The following IL17D variants were observed in gnomAD, a reference collection of about 807,000 sequenced individuals.
The protein encoded by IL17D is interleukin-17D.
Under a neutral mutation model 5.7 loss-of-function variants are expected in IL17D, and 10 were observed. That is an observed-to-expected ratio of 1.75 (90% CI 1.08 to 2.97). IL17D has a LOEUF of 2.97. IL17D is among the 30% of genes most tolerant of loss of function. The pLI, the probability that IL17D is intolerant of heterozygous loss-of-function variation, is 0.00. For missense variants in IL17D, 354 were observed against 292.7 expected (o/e 1.21, Z -1.53); for synonymous variants, 172 against 141.7 (o/e 1.21, Z -1.52).
At chr13:20,720,052 TTCTC>T (rs762496196) in intron 1 of IL17D, among the ~76,000 whole-genome samples, 7 of 152,106 alleles carry the variant, frequency 4.6e-5, no homozygotes, top group Non-Finnish European at 7.4e-5. Flanking sequence ...ATAGTGTCAT[TTCTC>T]TCTATTTCTG....
At chr13:20,719,660 C>T (rs905832818) in intron 1 of IL17D, among the ~76,000 whole-genome samples, 1 of 152,238 alleles carries the variant, frequency 6.6e-6, no homozygotes, top group Non-Finnish European at 1.5e-5. Flanking sequence ...ATGTCAGCAT[C>T]ATCACTCAGC....
intron 1 of IL17D, among the ~76,000 whole-genome samples, chr13:20,705,813 A>G (rs2058587955): frequency 6.6e-6 from 1 of 152,218 alleles, no homozygotes; most frequent in Non-Finnish European, 1.5e-5. Context: ...GCTCTCCAGC[A>G]CTTCCATCCA....
chr13:20,711,842 A>AAGCC (rs1403812069), intron 1 of IL17D, among the ~76,000 whole-genome samples: 1 of 134,692 alleles, frequency 7.4e-6, no homozygotes, highest in Non-Finnish European at 1.6e-5. Flanking sequence ...TACAGACTGG[A>AAGCC]AGTCACCTGA....
chr13:20,703,182 G>A (rs768878304), upstream of IL17D: 8 of 700,142 alleles, frequency 1.1e-5, no homozygotes, highest in African/African-American at 1.9e-5. Flanking sequence ...CCCAGGCCCT[G>A]GGCGCCCCGC....
rs41536945 is a variant in IL17D at position 20,722,159 on chromosome 13, C to A, written c.*205C>A. On this transcript the variant is annotated 3_prime_UTR_variant, in exon 2 of 2. Coordinates refer to ENST00000682841, the MANE Select transcript of IL17D (RefSeq NM_001385224.1). Reference sequence around the variant, plus strand: ...TGGCTTGCTTTTAGCTACAAGCAAGCAGCGTGGCTGGAAGCTGATGGGAAA... The same window carrying A: ...TGGCTTGCTTTTAGCTACAAGCAAGAAGCGTGGCTGGAAGCTGATGGGAAA... 12 of 532,520 alleles carry A rather than the reference C, an allele frequency of 2.3e-5. No individual in the cohort carries two copies. The African/African-American group carries it at 2.4e-4, about 11-fold the overall frequency. 33.0% of individuals were successfully genotyped at this position (532,520 alleles called of 1,614,324 possible).
chr13:20,704,538 G>A (rs1301819850), intron 1 of IL17D, among the ~76,000 whole-genome samples: 6 of 137,668 alleles, frequency 4.4e-5, no homozygotes, highest in African/African-American at 1.7e-4. Context: ...GAGGGGCGCT[G>A]CGATGAGGCG....
chr13:20,705,233 G>A (rs2058582206), intron 1 of IL17D, among the ~76,000 whole-genome samples: 1 of 151,328 alleles, frequency 6.6e-6, no homozygotes, highest in African/African-American at 2.4e-5. Flanking sequence ...GCCTACAAAG[G>A]CAGTGCTGAG....
intron 1 of IL17D, among the ~76,000 whole-genome samples, chr13:20,711,859 G>A (rs1372916784): frequency 6.6e-6 from 1 of 152,222 alleles, no homozygotes; most frequent in Non-Finnish European, 1.5e-5. Flanking sequence ...CTGAATGACC[G>A]CCTATAGGCA....
In IL17D at chr13:20,708,971, AAAAAAAAGAAAG is replaced by A. The variant is rs2058612531; in HGVS notation, c.290+4684_290+4695del. 2.1e-5 allele frequency among the ~76,000 whole-genome samples: 3 copies of A among 143,704 alleles called. No homozygotes were observed. In the South Asian group the frequency reaches 6.8e-4, roughly 32 times the overall value. The allele number at this position is 143,704 out of a possible 152,430, so 94.3% of individuals were successfully genotyped here. A position where few individuals can be genotyped will look rare whatever the true frequency, so the allele number is the denominator to read the frequency against. On this transcript the variant is annotated intron_variant, in intron 1 of 1. Coordinates refer to ENST00000682841, the MANE Select transcript of IL17D (RefSeq NM_001385224.1). ...GCGAGACTCTGTCTCAAAAAAAAAA[AAAAAAAAGAAAG>A]AAAGAAAAGAAAAGGACCAGTGACA...
At position 20,722,826 on chromosome 13, in the gene IL17D, TAAG is replaced by T. The variant is rs946087823; in HGVS notation, c.*876_*878del. ...AATTTGTGGTTAAGAGGTGGTGAGA[TAAG>T]AAGTGGAACGTGACATCTTTGCCAG... On this transcript the variant is annotated 3_prime_UTR_variant, in exon 2 of 2. Transcript: ENST00000682841. 1 of 152,208 alleles carries T rather than the reference TAAG, an allele frequency of 6.6e-6. No individual in the cohort carries two copies. The highest frequency in any genetic ancestry group is 2.4e-5 in the African/African-American group (1 of 41,438). The allele number at this position is 152,208 out of a possible 1,614,324, so 9.4% of individuals were successfully genotyped here. A position where few individuals can be genotyped will look rare whatever the true frequency, so the allele number is the denominator to read the frequency against.
intron 1 of IL17D, among the ~76,000 whole-genome samples, chr13:20,720,465 A>G (rs1448060953): frequency 2.0e-5 from 3 of 152,192 alleles, no homozygotes; most frequent in African/African-American, 4.8e-5. Flanking sequence ...ACTATTTGGT[A>G]TGTTGGAGGG....
intron 1 of IL17D, among the ~76,000 whole-genome samples, chr13:20,720,294 C>T (rs1252317179): frequency 6.6e-6 from 1 of 152,148 alleles, no homozygotes; most frequent in East Asian, 1.9e-4. Flanking sequence ...CTGCCTTCAG[C>T]CAAGAGCTCC....
chr13:20,708,846 A>C (rs1000974312), intron 1 of IL17D, among the ~76,000 whole-genome samples: 1 of 148,708 alleles, frequency 6.7e-6, no homozygotes, highest in African/African-American at 2.5e-5. Flanking sequence ...AAAAATACAA[A>C]AAAAAAAAAA....
At chr13:20,719,176 C>T (rs1419951548) in intron 1 of IL17D, among the ~76,000 whole-genome samples, 1 of 147,380 alleles carries the variant, frequency 6.8e-6, no homozygotes, top group Non-Finnish European at 1.5e-5. Context: ...TCACGCACGC[C>T]TGCCTACACT....
rs2058680825 is a variant in IL17D, at chr13:20,716,607, A to C, written c.291-5029A>C. ...GCCCAAGGTTACTGGGTGGTGACTA[A>C]GTTGGGCTACAGTTTTAGGTCCCAG... On this transcript the variant is annotated intron_variant, in intron 1 of 1. Coordinates refer to ENST00000682841, the MANE Select transcript of IL17D (RefSeq NM_001385224.1). This position sits in a 1 kb window ranked among gnomAD's most constrained non-coding sequence, Gnocchi z 4.2. 6.6e-6 allele frequency among the ~76,000 whole-genome samples: 1 copy of C among 152,180 alleles called. No homozygotes were observed. The highest frequency in any genetic ancestry group is 2.4e-5 in the African/African-American group (1 of 41,438).
intron 1 of IL17D, among the ~76,000 whole-genome samples, chr13:20,718,151 G>C (rs544315576): frequency 5.8e-4 from 88 of 152,182 alleles, no homozygotes; most frequent in Non-Finnish European, 1.1e-3. Flanking sequence ...CCTCGGTACT[G>C]TTCTGACAGC....
At chr13:20,721,590 C>T (rs2141402068) in intron 1 of IL17D, 46 bp from the exon 2 acceptor site, 2 of 1,497,276 alleles carry the variant, frequency 1.3e-6, no homozygotes, top group Non-Finnish European at 1.8e-6. Flanking sequence ...GCGCGCGGCG[C>T]GGGGCTGCCC....
rs1007078639 is a variant in IL17D, at chr13:20,703,939, G to A, written c.-63G>A. 5 of 917,908 alleles carry A rather than the reference G, an allele frequency of 5.4e-6. No homozygotes were observed. Among genetic ancestry groups the A allele is most frequent in the Non-Finnish European group, 6.5e-6 (5 of 768,030 alleles). The allele number at this position is 917,908 out of a possible 1,614,324, so 56.9% of individuals were successfully genotyped here. A position where few individuals can be genotyped will look rare whatever the true frequency, so the allele number is the denominator to read the frequency against. ...GGCGCCGCGGGCGGGACACGGGCGC[G>A]GGGCGCAGGCGGGCTCCTCCGGCGC... On this transcript the variant is annotated 5_prime_UTR_variant, in exon 1 of 2. Transcript: ENST00000682841.
intron 1 of IL17D, among the ~76,000 whole-genome samples, chr13:20,705,365 C>G (rs973468133): frequency 1.3e-5 from 2 of 151,922 alleles, no homozygotes; most frequent in African/African-American, 4.8e-5. Flanking sequence ...GGGTGGGCAT[C>G]GATGTAAGGC....
Sources: allele counts gnomAD v4.1 joint callset (sites outside exome capture counted in the v4.1 genomes callset), GRCh38; gene constraint gnomAD v4.1.1; non-coding constraint Gnocchi (gnomAD v3.1); transcripts MANE v1.5; gene names NCBI Gene and HGNC (gene_info 2026-07-23, HGNC 2026-07-21).